The following ADAM12 variants were observed in gnomAD, a reference collection of about 807,000 sequenced individuals.
ADAM12 encodes the protein ADAM metallopeptidase domain 12.
ADAM12 carries 70 observed loss-of-function variants against 106.4 expected under a neutral mutation model. The ratio of observed to expected loss-of-function variants is 0.66; its 90% CI spans 0.54 to 0.80. ADAM12 has a LOEUF of 0.80. Ranked by LOEUF, ADAM12 falls within the 30% of genes least tolerant of loss-of-function variation. The pLI is 0.00. For missense variants in ADAM12, 1,010 were observed against 1,171.9 expected (o/e 0.86, Z 2.02); for synonymous variants, 420 against 433.5 (o/e 0.97, Z 0.39).
chr10:126,027,592 CAT>C lies in ADAM12; in HGVS notation c.2530-7769_2530-7768del, dbSNP rs56960741. Among the ~76,000 whole-genome samples, 1,118 of 152,252 alleles carry C rather than the reference CAT, an allele frequency of 7.3e-3. 13 individuals carry two copies. Among genetic ancestry groups the C allele is most frequent in the African/African-American group, 0.023 (957 of 41,534 alleles). ...GCAAATCAATAAATGTGATTCATCA[CAT>C]AAACAGAACTAGAGACAAAAACCAT... On this transcript the variant is annotated intron_variant, in intron 21 of 22. Transcript: ENST00000448723.
intron 3 of ADAM12, among the ~76,000 whole-genome samples, chr10:126,267,851 T>C (rs960004641): frequency 6.6e-6 from 1 of 152,036 alleles, no homozygotes; most frequent in Non-Finnish European, 1.5e-5. Context: ...GAAGAAACTA[T>C]CACCGTCTTC....
intron 20 of ADAM12, among the ~76,000 whole-genome samples, chr10:126,036,691 A>G (rs1435030570): frequency 2.6e-5 from 4 of 152,170 alleles, no homozygotes; most frequent in Admixed American, 6.5e-5. Context: ...GATACAGCTT[A>G]ATGTGTTCAA....
At chr10:126,127,915 G>T (rs1956232026) in intron 5 of ADAM12, among the ~76,000 whole-genome samples, 1 of 152,186 alleles carries the variant, frequency 6.6e-6, no homozygotes, top group African/African-American at 2.4e-5. Flanking sequence ...CACCACGCAT[G>T]TGGCGGCATG....
chr10:126,149,034 G>A (rs1956680920), intron 4 of ADAM12, among the ~76,000 whole-genome samples: 1 of 152,208 alleles, frequency 6.6e-6, no homozygotes. Context: ...GGGATTTTCA[G>A]GGCCTGTCTC....
chr10:126,177,835 C>T (rs930943658), intron 3 of ADAM12, among the ~76,000 whole-genome samples: 1 of 152,170 alleles, frequency 6.6e-6, no homozygotes, highest in Non-Finnish European at 1.5e-5. Flanking sequence ...TCCTTCTTCA[C>T]TATCAGGCTT....
At position 126,096,439 on chromosome 10, in the gene ADAM12, G is replaced by T. The variant is rs564110904; in HGVS notation, c.996+1977C>A. Among the ~76,000 whole-genome samples, 77 of 152,320 alleles carry T rather than the reference G, an allele frequency of 5.1e-4. No homozygotes were observed. In the South Asian group the frequency reaches 0.016, roughly 31 times the overall value. On this transcript the variant is annotated intron_variant, in intron 10 of 22. Transcript: ENST00000448723. ...TATTTCCAAAGCAAGGCTGTTTTAGGCCAGTTAGATAAAAAGGAATGACTT... is the reference window on the plus strand; with the variant it reads ...TATTTCCAAAGCAAGGCTGTTTTAGTCCAGTTAGATAAAAAGGAATGACTT...
At chr10:126,057,738 T>A (rs964407627) in intron 14 of ADAM12, among the ~76,000 whole-genome samples, 14 of 152,270 alleles carry the variant, frequency 9.2e-5, no homozygotes, top group Non-Finnish European at 1.2e-4. Context: ...CAGGGTGAAA[T>A]CTACCTGTGT....
intron 1 of ADAM12, among the ~76,000 whole-genome samples, chr10:126,386,964 T>C (rs1465425382): frequency 6.6e-6 from 1 of 152,242 alleles, no homozygotes; most frequent in Non-Finnish European, 1.5e-5. Flanking sequence ...CAGTGTGGCT[T>C]TTAACAAGAA....
intron 1 of ADAM12, among the ~76,000 whole-genome samples, chr10:126,346,876 T>C (rs1304004110): frequency 6.6e-6 from 1 of 152,210 alleles, no homozygotes; most frequent in Non-Finnish European, 1.5e-5. Context: ...ATTTGCTTGG[T>C]AGATCTTCCT....
At chr10:126,313,954 G>A (rs192588876) in intron 2 of ADAM12, among the ~76,000 whole-genome samples, 1 of 152,008 alleles carries the variant, frequency 6.6e-6, no homozygotes, top group Non-Finnish European at 1.5e-5. Flanking sequence ...TAAGGAAGGG[G>A]TTTTAAGGCA....
intron 3 of ADAM12, among the ~76,000 whole-genome samples, chr10:126,262,789 C>T (rs892704609): frequency 2.0e-5 from 3 of 152,148 alleles, no homozygotes; most frequent in African/African-American, 4.8e-5. Flanking sequence ...ATCATGAAGG[C>T]ATCTAGCTTT....
At position 126,036,168 on chromosome 10, in the gene ADAM12, T is replaced by G; in HGVS notation, c.2507A>C (p.Lys836Thr). The change falls in exon 21 of 23, where the codon AAG (lysine) becomes ACG (threonine). Residue 836 changes from lysine (K) to threonine (T), a missense_variant. By Grantham distance (78) the Lys-to-Thr change is moderately conservative. Around this residue, in one of 3 missense-constraint regions of ADAM12, gnomAD observed 615 missense variants for 708.5 expected, o/e 0.87. Coordinates refer to ENST00000448723, the MANE Select transcript of ADAM12 (RefSeq NM_001288973.2). ...PSVPARPLPA[K>T]PALRQAQGTC... is the part of the protein sequence containing the mutation. ...TACCTGGGCCTGCCTAAGTGCAGGCTTGGCTGGCAGGGGTCTGGCAGGGAC... is the reference window on the plus strand; with the variant it reads ...TACCTGGGCCTGCCTAAGTGCAGGCGTGGCTGGCAGGGGTCTGGCAGGGAC... 6.7e-7 allele frequency: 1 copy of G among 1,496,672 alleles called. No individual in the cohort carries two copies. The allele number at this position is 1,496,672 out of a possible 1,614,324, so 92.7% of individuals were successfully genotyped here.
intron 2 of ADAM12, among the ~76,000 whole-genome samples, chr10:126,320,927 C>T (rs1320698321): frequency 6.6e-6 from 1 of 152,044 alleles, no homozygotes; most frequent in Non-Finnish European, 1.5e-5. Flanking sequence ...TCAATAAATC[C>T]AAAACTTTTT....
intron 11 of ADAM12, among the ~76,000 whole-genome samples, chr10:126,087,202 C>T (rs1226505510): frequency 6.6e-6 from 1 of 152,142 alleles, no homozygotes; most frequent in Admixed American, 6.5e-5. Flanking sequence ...GAGGACAATT[C>T]TAACTTGGGC....
intron 3 of ADAM12, among the ~76,000 whole-genome samples, chr10:126,233,966 T>C (rs1008413742): frequency 2.0e-5 from 3 of 152,228 alleles, no homozygotes; most frequent in East Asian, 1.9e-4. Context: ...ATTGTTATCT[T>C]TGCGTGTGTA....
chr10:126,059,874 A>C lies in ADAM12; in HGVS notation c.1609+4932T>G, dbSNP rs140895810. On this transcript the variant is annotated intron_variant, in intron 14 of 22. Transcript: ENST00000448723. ...GTAAAAGTAAATTTGCTACCTAAAC[A>C]AAAATATCCAGCTATATTTCAGAAG... 1.7e-3 allele frequency among the ~76,000 whole-genome samples: 261 copies of C among 152,376 alleles called. 1 individual carries two copies. The East Asian group carries it at 0.03, about 18-fold the overall frequency.
In ADAM12 at chr10:126,148,636, C is replaced by T. The variant is rs367672740; in HGVS notation, c.339+6591G>A. Among the ~76,000 whole-genome samples the T allele has an allele frequency of 8.5e-5, 13 of 152,182 alleles. No individual in the cohort carries two copies. The East Asian group carries it at 9.6e-4, about 11-fold the overall frequency. ...TAAAAGCAACATGTGCTTGATGCTT[C>T]TGGAGATTTGGGGGTGCCAATTAAT... On this transcript the variant is annotated intron_variant, in intron 4 of 22. Coordinates refer to ENST00000448723, the MANE Select transcript of ADAM12 (RefSeq NM_001288973.2).
chr10:126,185,945 A>G (rs1489320586), intron 3 of ADAM12, among the ~76,000 whole-genome samples: 1 of 152,216 alleles, frequency 6.6e-6, no homozygotes, highest in East Asian at 1.9e-4. Context: ...TTGTAATTCC[A>G]AAGTTTGATG....
At chr10:126,193,655 G>A (rs1372783202) in intron 3 of ADAM12, among the ~76,000 whole-genome samples, 1 of 152,190 alleles carries the variant, frequency 6.6e-6, no homozygotes, top group East Asian at 1.9e-4. Flanking sequence ...CCAGAACTTT[G>A]GGAAGCTGAA....
Sources: allele counts gnomAD v4.1 joint callset (sites outside exome capture counted in the v4.1 genomes callset), GRCh38; gene constraint gnomAD v4.1.1; regional missense constraint gnomAD v4.1.1; transcripts MANE v1.5; gene names NCBI Gene and HGNC (gene_info 2026-07-23, HGNC 2026-07-21).